The following CEP295NL variants were observed in gnomAD, a reference collection of about 807,000 sequenced individuals.
CEP295NL encodes protein DDC8 homolog.
Under a neutral mutation model 4.6 loss-of-function variants are expected in CEP295NL, and 3 were observed. The observed-to-expected ratio is 0.65, with a 90% CI of 0.30 to 1.69. The LOEUF is 1.69. Among genes scored for constraint, CEP295NL ranks in the 40% most tolerant of loss-of-function variants. The pLI, the probability that CEP295NL is intolerant of heterozygous loss-of-function variation, is 0.10. For synonymous variants in CEP295NL, 295 were observed against 312.2 expected, an observed-to-expected ratio of 0.94 and a Z score of 0.58; for missense variants, 719 against 769.0, an observed-to-expected ratio of 0.93 and a Z score of 0.77.
chr17:78,891,849 G>T lies in CEP295NL; in HGVS notation c.655C>A (p.Pro219Thr), dbSNP rs1223548915. 1 of 1,550,708 alleles carries T rather than the reference G, an allele frequency of 6.4e-7. No homozygotes were observed. The highest frequency in any genetic ancestry group is 1.2e-5 in the South Asian group (1 of 84,066). Residue 219 changes from proline to threonine, a missense_variant, in exon 3 of 3, where the codon CCG becomes ACG. Transcript: ENST00000322630. This position sits in a 1 kb window ranked among gnomAD's most constrained non-coding sequence, Gnocchi z 4.5. Reference sequence around the variant, plus strand: ...GGCCTTCCCTTTCTCTTCTCAGGCGGGGCCAGGTGAGAATTCATCCGACCC... The same window carrying T: ...GGCCTTCCCTTTCTCTTCTCAGGCGTGGCCAGGTGAGAATTCATCCGACCC... ...ATGRMNSHLA[P>T]PEKRKGRPEP...
In CEP295NL at chr17:78,892,199, C is replaced by G; in HGVS notation, c.305G>C (p.Trp102Ser). 1 of 1,551,024 alleles carries G rather than the reference C, an allele frequency of 6.4e-7. No homozygotes were observed. Among genetic ancestry groups the G allele is most frequent in the Non-Finnish European group, 8.7e-7 (1 of 1,147,100 alleles). The change falls in exon 3 of 3, where the codon TGG becomes TCG. Residue 102 changes from tryptophan to serine, a missense_variant. Physicochemically the swap from Trp to Ser is radical, Grantham distance 177. Coordinates refer to ENST00000322630, the MANE Select transcript of CEP295NL (RefSeq NM_001243540.2). ...CAAGCGCTGGAGCTGGTAGTTTTTC[C>G]ACAGCTTGGCATCCGCTCTTCTCTG... ...ALQRRADAKLWKNYQLQRLAE... is the reference protein window; with the variant it reads ...ALQRRADAKLSKNYQLQRLAE...
chr17:78,891,022 G>C lies in CEP295NL; in HGVS notation c.1482C>G (p.Asp494Glu), dbSNP rs763013831. ...GCCTGGATGCCGTCGAGCCCACTCTGTCTGCCTGGTCTTGAAGGTGGAGCT... is the reference window on the plus strand; with the variant it reads ...GCCTGGATGCCGTCGAGCCCACTCTCTCTGCCTGGTCTTGAAGGTGGAGCT... ...SLQLHLQDQA[D>E]RVGSTASRQR... The change falls in exon 3 of 3, where the codon GAC (aspartate) becomes GAG (glutamate). Residue 494 changes from aspartate (D) to glutamate (E), a missense_variant. By Grantham distance (45) the Asp-to-Glu change is conservative. Transcript: ENST00000322630. This position sits in a 1 kb window ranked among gnomAD's most constrained non-coding sequence, Gnocchi z 4.5. The C allele has an allele frequency of 1.3e-6, 2 of 1,551,016 alleles. No homozygotes were observed. The highest frequency in any genetic ancestry group is 2.7e-5 in the African/African-American group (2 of 73,022).
At chr17:78,901,146 A>T (rs773768669) in intron 2 of CEP295NL, 1 of 152,852 alleles carries the variant, frequency 6.5e-6, no homozygotes, top group African/African-American at 2.4e-5. Flanking sequence ...AGGGCTCAGG[A>T]AATGCCGAGA....
rs1371621194 is a variant in CEP295NL at position 78,896,525 on chromosome 17, G to A, written c.45-4066C>T. 6.6e-6 allele frequency among the ~76,000 whole-genome samples: 1 copy of A among 152,132 alleles called. No homozygotes were observed. The highest frequency in any genetic ancestry group is 1.5e-5 in the Non-Finnish European group (1 of 68,022). On this transcript the variant is annotated intron_variant, in intron 2 of 2. Coordinates refer to ENST00000322630, the MANE Select transcript of CEP295NL (RefSeq NM_001243540.2). The surrounding 1 kb of genome is among the most constrained non-coding windows in gnomAD (Gnocchi z 4.4). ...CTGGTTGCTTAGAATATTCTAGAAG[G>A]GGCAGGGGTCCTGGCGCTCCTCTGT...
rs111654265 is a variant in CEP295NL at position 78,891,350 on chromosome 17, C to A, written c.1154G>T (p.Cys385Phe). 0.083 allele frequency: 128,079 copies of A among 1,550,426 alleles called. 5,888 individuals carry two copies. Among genetic ancestry groups the A allele is most frequent in the Middle Eastern group, 0.11 (637 of 5,992 alleles). The part of the protein sequence containing the change: ...EGHAFSEMQE[C>F]GAGTPRGKKM... ...CTTCCCTCTTGGGGTCCCAGCGCCA[C>A]ACTCTTGCATCTCTGAGAAGGCATG... Residue 385 changes from cysteine (C) to phenylalanine (F), a missense_variant, in exon 3 of 3, where the codon TGT becomes TTT. By Grantham distance (205) the Cys-to-Phe change is radical. Coordinates refer to ENST00000322630, the MANE Select transcript of CEP295NL (RefSeq NM_001243540.2). The surrounding 1 kb of genome is among the most constrained non-coding windows in gnomAD (Gnocchi z 4.5).
At chr17:78,895,389 C>T (rs1332733881) in intron 2 of CEP295NL, among the ~76,000 whole-genome samples, 8 of 152,188 alleles carry the variant, frequency 5.3e-5, no homozygotes, top group African/African-American at 1.9e-4. Context: ...TCAACGGCAG[C>T]GGTCTTTAGA....
chr17:78,896,761 C>A lies in CEP295NL; in HGVS notation c.45-4302G>T, dbSNP rs758401594. Reference sequence around the variant, plus strand: ...AGTGGACACCAATCTGGCCTCCGGACGGCACCAGGGCCTCCCACAGAGCGG... The same window carrying A: ...AGTGGACACCAATCTGGCCTCCGGAAGGCACCAGGGCCTCCCACAGAGCGG... On this transcript the variant is annotated intron_variant, in intron 2 of 2. Coordinates refer to ENST00000322630, the MANE Select transcript of CEP295NL (RefSeq NM_001243540.2). The surrounding 1 kb of genome is among the most constrained non-coding windows in gnomAD (Gnocchi z 4.4). Among the ~76,000 whole-genome samples, 1 of 152,140 alleles carries A rather than the reference C, an allele frequency of 6.6e-6. No individual in the cohort carries two copies. The highest frequency in any genetic ancestry group is 1.5e-5 in the Non-Finnish European group (1 of 68,022).
At chr17:78,897,076 G>A (rs1045794674) in intron 2 of CEP295NL, 41 of 863,104 alleles carry the variant, frequency 4.8e-5, no homozygotes, top group Admixed American at 6.2e-5. Context: ...GCGTGGAAGT[G>A]CCAGGGCCCA....
In CEP295NL at chr17:78,893,337, ATG is replaced by A. The variant is rs567441949; in HGVS notation, c.45-880_45-879del. On this transcript the variant is annotated intron_variant, in intron 2 of 2. Coordinates refer to ENST00000322630, the MANE Select transcript of CEP295NL (RefSeq NM_001243540.2). The stretch of plus-strand genomic sequence containing the variant: ...TGCAAGGGTGTGTGTGTCTCCATGC[ATG>A]TGTGTGCAGGGGTGTGTGTGCAGGG... 2.0e-4 allele frequency among the ~76,000 whole-genome samples: 20 copies of A among 101,738 alleles called. No homozygotes were observed. In the East Asian group the frequency reaches 6.2e-3, roughly 31 times the overall value. 66.7% of individuals were successfully genotyped at this position (101,738 alleles called of 152,430 possible).
Position 78,890,646 on chromosome 17 carries a change from T to C in CEP295NL, c.1858A>G (p.Ile620Val), listed in dbSNP as rs2069873237. Residue 620 changes from isoleucine to valine, a missense_variant, in exon 3 of 3, where the codon ATA becomes GTA. Transcript: ENST00000322630. Reference protein sequence around the residue: ...ARKCLREFQNIC With the variant: ...ARKCLREFQNVC ...GGGTGGGCCTCTCGCATTTAGCATA[T>C]GTTCTGAAACTCCCGCAAGCATTTC... 3 of 1,549,940 alleles carry C rather than the reference T, an allele frequency of 1.9e-6. No homozygotes were observed. Among genetic ancestry groups the C allele is most frequent in the Non-Finnish European group, 2.6e-6 (3 of 1,146,390 alleles).
chr17:78,899,864 A>C (rs1162252936), intron 2 of CEP295NL: 1 of 152,144 alleles, frequency 6.6e-6, no homozygotes, highest in East Asian at 1.9e-4. Flanking sequence ...GAAGCCCAGC[A>C]CCCGGGCCAC....
chr17:78,893,269 G>C (rs903008721), intron 2 of CEP295NL, among the ~76,000 whole-genome samples: 1 of 146,126 alleles, frequency 6.8e-6, no homozygotes, highest in African/African-American at 2.7e-5. Context: ...AGGGGTGTGT[G>C]TGTAGGGGTG....
At chr17:78,899,309 C>G (rs11649937) in intron 2 of CEP295NL, 67,694 of 152,864 alleles carry the variant, frequency 0.44, 15,380 homozygotes, top group African/African-American at 0.54. Flanking sequence ...GCCTGCACCC[C>G]GTCCTCTCCC....
Position 78,896,876 on chromosome 17 carries a change from C to A in CEP295NL, c.45-4417G>T, listed in dbSNP as rs138913769. ...AGCCCATGGCAGCTCCACCCCAGACCGATCCGATCCCAGCACCTGGGCCCA... is the reference window on the plus strand; with the variant it reads ...AGCCCATGGCAGCTCCACCCCAGACAGATCCGATCCCAGCACCTGGGCCCA... On this transcript the variant is annotated intron_variant, in intron 2 of 2. Transcript: ENST00000322630. The surrounding 1 kb of genome is among the most constrained non-coding windows in gnomAD (Gnocchi z 4.4). 2.0e-6 allele frequency: 2 copies of A among 975,870 alleles called. No individual in the cohort carries two copies. Among genetic ancestry groups the A allele is most frequent in the African/African-American group, 3.5e-5 (2 of 56,972 alleles). 60.5% of individuals were successfully genotyped at this position (975,870 alleles called of 1,614,324 possible). A position where few individuals can be genotyped will look rare whatever the true frequency, so the allele number is the denominator to read the frequency against.
Position 78,890,862 on chromosome 17 carries a change from CTCT to C in CEP295NL, c.1639_1641del (p.Arg547del). 6.4e-7 allele frequency: 1 copy of C among 1,550,662 alleles called. No homozygotes were observed. The highest frequency in any genetic ancestry group is 1.2e-5 in the South Asian group (1 of 84,068). ...GAGGACTTCAGATGGGCCAGTCGAG[CTCT>C]TCTTTGCTCCCTCCTCTCTTTTTCT... On this transcript the variant is annotated inframe_deletion, in exon 3 of 3. Transcript: ENST00000322630.
chr17:78,891,782 T>A lies in CEP295NL; in HGVS notation c.722A>T (p.His241Leu). 6.4e-7 allele frequency: 1 copy of A among 1,551,148 alleles called. No individual in the cohort carries two copies. Among genetic ancestry groups the A allele is most frequent in the Non-Finnish European group, 8.7e-7 (1 of 1,147,120 alleles). Residue 241 changes from histidine (H) to leucine (L), a missense_variant, in exon 3 of 3, where the codon CAT becomes CTT. Coordinates refer to ENST00000322630, the MANE Select transcript of CEP295NL (RefSeq NM_001243540.2). This position sits in a 1 kb window ranked among gnomAD's most constrained non-coding sequence, Gnocchi z 4.5. ...TKSGGGRCAI[H>L]PRRSKGADLE... Reference sequence around the variant, plus strand: ...GTCCGCCCCTTTGCTCCTCCGAGGATGGATGGCACAGCGGCCACCCCCAGA... The same window carrying A: ...GTCCGCCCCTTTGCTCCTCCGAGGAAGGATGGCACAGCGGCCACCCCCAGA...
In CEP295NL at chr17:78,901,768, A is replaced by C; in HGVS notation, c.44+17T>G. The C allele has an allele frequency of 1.4e-6, 1 of 717,286 alleles. No individual in the cohort carries two copies. The highest frequency in any genetic ancestry group is 2.6e-6 in the Non-Finnish European group (1 of 385,062). 44.4% of individuals were successfully genotyped at this position (717,286 alleles called of 1,614,324 possible). On this transcript the variant is annotated intron_variant, in intron 2 of 2. Transcript: ENST00000322630. ...GAGAAGCACCTGAAATGCTTGGGGA[A>C]GAGGGGTGGTACTTACTGTGTGTGT... is the stretch of plus-strand genomic sequence containing the variant.
At chr17:78,892,630 T>C in intron 2 of CEP295NL, 171 bp from the exon 3 acceptor site, 1 of 984,850 alleles carries the variant, frequency 1.0e-6, no homozygotes. Flanking sequence ...TCCCAATTTC[T>C]GTCCTGTACA....
intron 2 of CEP295NL, among the ~76,000 whole-genome samples, chr17:78,894,158 T>A (rs994534037): frequency 6.6e-6 from 1 of 152,114 alleles, no homozygotes; most frequent in Non-Finnish European, 1.5e-5. Flanking sequence ...TCCGTTCATC[T>A]TTTTTACAGT....
Sources: allele counts gnomAD v4.1 joint callset (sites outside exome capture counted in the v4.1 genomes callset), GRCh38; gene constraint gnomAD v4.1.1; non-coding constraint Gnocchi (gnomAD v3.1); transcripts MANE v1.5; gene names NCBI Gene and HGNC (gene_info 2026-07-23, HGNC 2026-07-21).